CSGALNACT1: variants seen among roughly 807,000 people sequenced by gnomAD.
CSGALNACT1 encodes chondroitin sulfate N-acetylgalactosaminyltransferase 1.
A neutral mutation model predicts 51.0 loss-of-function variants in CSGALNACT1; 52 were observed. The ratio of observed to expected loss-of-function variants is 1.02; its 90% CI spans 0.82 to 1.29. The LOEUF (loss-of-function observed/expected upper bound fraction) is 1.29. Ranked by LOEUF, CSGALNACT1 falls within the 50% of genes most tolerant of loss-of-function variation. CSGALNACT1 has a pLI of 0.00. For missense variants in CSGALNACT1, 935 were observed against 679.2 expected (o/e 1.38, Z -4.19); for synonymous variants, 341 against 254.4 (o/e 1.34, Z -3.24).
At chr8:19,599,471 A>AG (rs2049804640) in intron 2 of CSGALNACT1, among the ~76,000 whole-genome samples, 2 of 71,148 alleles carry the variant, frequency 2.8e-5, no homozygotes, top group South Asian at 5.4e-4. Context: ...AGAAAGAAAG[A>AG]AAAAGAAAGA....
At chr8:19,659,681 A>G (rs937067599) in intron 1 of CSGALNACT1, among the ~76,000 whole-genome samples, 7 of 152,206 alleles carry the variant, frequency 4.6e-5, no homozygotes, top group Non-Finnish European at 7.3e-5. Flanking sequence ...TAGAATACAC[A>G]TCCCATGAAT....
chr8:19,425,851 C>G (rs2058694393), intron 6 of CSGALNACT1, among the ~76,000 whole-genome samples: 1 of 152,164 alleles, frequency 6.6e-6, no homozygotes, highest in African/African-American at 2.4e-5. Flanking sequence ...CGCTCTGCAT[C>G]TACTCCTGCG....
intron 3 of CSGALNACT1, among the ~76,000 whole-genome samples, chr8:19,575,294 A>T (rs79539022): frequency 0.031 from 4,678 of 152,280 alleles, 248 homozygotes; most frequent in African/African-American, 0.11. Context: ...CTGGGAAGTT[A>T]GCAACCTTAA....
chr8:19,728,679 CAATGCAGAGGCACGCTGCCTCTGCATAAA>C, intron 1 of CSGALNACT1, among the ~76,000 whole-genome samples: 1 of 152,250 alleles, frequency 6.6e-6, no homozygotes, highest in Non-Finnish European at 1.5e-5. Flanking sequence ...ACTATTCATT[CAATGCAGAGGCACGCTGCCTCTGCATAAA>C]AAGGTGGCTT....
chr8:19,505,968 A>G lies in CSGALNACT1; in HGVS notation c.-134T>C. Reference sequence around the variant, plus strand: ...GAGCTGCTTGCATCCATTTCCTTCTAGAACGAGTTCTGCCTCTTGGAGTTA... The same window carrying G: ...GAGCTGCTTGCATCCATTTCCTTCTGGAACGAGTTCTGCCTCTTGGAGTTA... On this transcript the variant is annotated 5_prime_UTR_variant, in exon 4 of 10. An upstream open reading frame in the 5' UTR loses its in-frame stop. Coordinates refer to ENST00000454498, the Ensembl canonical transcript of CSGALNACT1. 1.0e-6 allele frequency: 1 copy of G among 992,488 alleles called. No individual in the cohort carries two copies. Among genetic ancestry groups the G allele is most frequent in the Non-Finnish European group, 1.5e-6 (1 of 649,068 alleles). The allele number at this position is 992,488 out of a possible 1,614,324, so 61.5% of individuals were successfully genotyped here. A position where few individuals can be genotyped will look rare whatever the true frequency, so the allele number is the denominator to read the frequency against.
intron 5 of CSGALNACT1, among the ~76,000 whole-genome samples, chr8:19,447,104 G>A (rs1005545338): frequency 2.2e-4 from 34 of 152,160 alleles, no homozygotes; most frequent in Non-Finnish European, 3.1e-4. Flanking sequence ...GCCGTTGTTC[G>A]TAGCCTTAGC....
At chr8:19,404,282 A>G (rs1361212580) in exon 10 of CSGALNACT1, 2 of 449,884 alleles carry the variant, frequency 4.4e-6, no homozygotes, top group Non-Finnish European at 8.9e-6. Context: ...TAACACACCA[A>G]CAGCTTGAAT....
chr8:19,654,791 C>A (rs893234981), intron 1 of CSGALNACT1, among the ~76,000 whole-genome samples: 2 of 152,142 alleles, frequency 1.3e-5, no homozygotes, highest in South Asian at 4.1e-4. Context: ...GCAATCCTCC[C>A]GGCCTTGGTC....
chr8:19,430,781 G>A (rs569328204), intron 6 of CSGALNACT1, among the ~76,000 whole-genome samples: 146 of 152,220 alleles, frequency 9.6e-4, no homozygotes, highest in African/African-American at 3.3e-3. Flanking sequence ...TAGATCGACT[G>A]ACTGAGTACT....
At chr8:19,441,652 G>C (rs1185778985) in intron 5 of CSGALNACT1, among the ~76,000 whole-genome samples, 1 of 152,180 alleles carries the variant, frequency 6.6e-6, no homozygotes, top group African/African-American at 2.4e-5. Flanking sequence ...TCAGGACATA[G>C]GCATGGGCAA....
intron 1 of CSGALNACT1, among the ~76,000 whole-genome samples, chr8:19,755,053 C>A (rs2065268912): frequency 6.6e-6 from 1 of 152,140 alleles, no homozygotes; most frequent in African/African-American, 2.4e-5. Flanking sequence ...TATTTTAAAT[C>A]AACAAATATT....
chr8:19,685,280 A>G (rs1055570933), upstream of CSGALNACT1, among the ~76,000 whole-genome samples: 1 of 152,166 alleles, frequency 6.6e-6, no homozygotes. Context: ...CACATAAGGC[A>G]GTTATGTCCC....
At chr8:19,634,660 C>G (rs1309212756) in intron 1 of CSGALNACT1, among the ~76,000 whole-genome samples, 2 of 151,990 alleles carry the variant, frequency 1.3e-5, no homozygotes, top group Non-Finnish European at 2.9e-5. Context: ...AGACCTGTCT[C>G]AATATTTTTT....
intron 1 of CSGALNACT1, among the ~76,000 whole-genome samples, chr8:19,658,952 G>C: frequency 6.6e-6 from 1 of 152,158 alleles, no homozygotes; most frequent in East Asian, 1.9e-4. Flanking sequence ...GTACCTGGTA[G>C]CTAGTTACAC....
chr8:19,453,484 T>C lies in CSGALNACT1; in HGVS notation c.851+4942A>G, dbSNP rs529550002. ...ATAAATGGAGAAGACCTGTAAAATA[T>C]ATAATTGTGTCCATGAAACAGAGAA... is the stretch of plus-strand genomic sequence containing the variant. On this transcript the variant is annotated intron_variant, in intron 5 of 9. Transcript: ENST00000454498. 1.4e-4 allele frequency among the ~76,000 whole-genome samples: 22 copies of C among 152,290 alleles called. No homozygotes were observed. In the East Asian group the frequency reaches 4.0e-3, roughly 28 times the overall value.
intron 1 of CSGALNACT1, among the ~76,000 whole-genome samples, chr8:19,746,096 G>C (rs1163385274): frequency 6.6e-6 from 1 of 152,126 alleles, no homozygotes; most frequent in African/African-American, 2.4e-5. Context: ...AGTTTCTTAA[G>C]TTTTCTATGT....
intron 1 of CSGALNACT1, among the ~76,000 whole-genome samples, chr8:19,623,593 A>C (rs1162640114): frequency 6.6e-6 from 1 of 152,262 alleles, no homozygotes; most frequent in East Asian, 1.9e-4. Context: ...GCTGGGCCAG[A>C]AAGCAGTACT....
At chr8:19,604,745 TAA>T (rs36019022), upstream of CSGALNACT1, among the ~76,000 whole-genome samples, 383 of 130,240 alleles carry the variant, frequency 2.9e-3, 3 homozygotes, top group Admixed American at 0.017. Flanking sequence ...GTCTCTACTT[TAA>T]AAAAAAAAAA....
At chr8:19,673,468 G>A (rs1304277933) in intron 1 of CSGALNACT1, among the ~76,000 whole-genome samples, 1 of 152,224 alleles carries the variant, frequency 6.6e-6, no homozygotes, top group Non-Finnish European at 1.5e-5. Context: ...GACCAAAGTT[G>A]CTAGGCACTA....
Sources: gnomAD v4.1 joint callset for allele counts (sites outside exome capture counted in the v4.1 genomes callset) on GRCh38, gnomAD v4.1.1 for gene constraint, MANE v1.5 for transcripts, NCBI Gene and HGNC (gene_info 2026-07-23, HGNC 2026-07-21) for gene names.